The following CYP3A4 variants were observed in gnomAD, a reference collection of about 807,000 sequenced individuals.
CYP3A4 encodes the protein cytochrome P450 3A4.
CYP3A4 carries 41 observed loss-of-function variants against 54.9 expected under a neutral mutation model. The observed-to-expected ratio is 0.75, with a 90% CI of 0.58 to 0.97. The LOEUF is 0.97. Ranked by LOEUF, CYP3A4 falls within the 50% of genes least tolerant of loss-of-function variation. The pLI is 0.00. For missense variants in CYP3A4, 510 were observed against 597.3 expected (o/e 0.85, Z 1.52); for synonymous variants, 179 against 205.2 (o/e 0.87, Z 1.09).
intron 12 of CYP3A4, among the ~76,000 whole-genome samples, chr7:99,758,598 G>A (rs1352828122): frequency 1.3e-5 from 2 of 152,138 alleles, no homozygotes; most frequent in African/African-American, 2.4e-5. Context: ...AAGTAAAATG[G>A]ATGAGTTTTT....
At position 99,784,048 on chromosome 7, in the gene CYP3A4, AG is replaced by A. The variant is rs771463827; in HGVS notation, c.33del (p.Trp12GlyfsTer78). MALIPDLAME[T>X]WLLLAVSLVL... ...ACCAGGCTGACAGCCAGGAGAAGCC[AG>A]GTTTCCATGGCCAAGTCTGGGATGA... On this transcript the variant is annotated frameshift_variant, in exon 1 of 13. Coordinates refer to ENST00000651514, the MANE Select transcript of CYP3A4 (RefSeq NM_017460.6). LOFTEE classifies it high-confidence loss of function. 4.3e-6 allele frequency: 7 copies of A among 1,613,984 alleles called. No homozygotes were observed. The Admixed American group carries it at 1.2e-4, about 27-fold the overall frequency.
rs140422742 is a variant in CYP3A4, at chr7:99,778,046, T to G, written c.200A>C (p.Lys67Thr). 2 of 1,612,832 alleles carry G rather than the reference T, an allele frequency of 1.2e-6. No homozygotes were observed. The highest frequency in any genetic ancestry group is 1.7e-6 in the Non-Finnish European group (2 of 1,179,128). ...FCMFDMECHK[K>T]YGKVWGFYDG... ...TACTCACCCCCACACTTTTCCATAC[T>G]TTTTATGACATTCCATGTCAAACAT... Residue 67 changes from lysine to threonine, a missense_variant, in exon 3 of 13, where the codon AAG (lysine) becomes ACG (threonine). Lys to Thr is a moderately conservative substitution (Grantham distance 78). Coordinates refer to ENST00000651514, the MANE Select transcript of CYP3A4 (RefSeq NM_017460.6).
chr7:99,770,195 A>G lies in CYP3A4; in HGVS notation c.359T>C (p.Ile120Thr), dbSNP rs147752776. ...PVGFMKSAIS[I>T]AEDEEWKRLR... ...TCTCTTCCATTCTTCATCCTCAGCT[A>G]TAGAGATGGCACTTTTCATAAATCC... The change falls in exon 5 of 13, where the codon ATA becomes ACA. Residue 120 changes from isoleucine to threonine, a missense_variant. Ile to Thr is a moderately conservative substitution (Grantham distance 89, BLOSUM62 -1). Coordinates refer to ENST00000651514, the MANE Select transcript of CYP3A4 (RefSeq NM_017460.6). The G allele has an allele frequency of 4.4e-5, 71 of 1,613,642 alleles. No individual in the cohort carries two copies. The highest frequency in any genetic ancestry group is 6.0e-5 in the Non-Finnish European group (71 of 1,179,764).
rs12721619 is a variant in CYP3A4, at chr7:99,777,924, A to T, written c.218+104T>A. On this transcript the variant is annotated intron_variant, in intron 3 of 12. Transcript: ENST00000651514. ...CTCTCTGTTTGTAGTTAGGTTGACA[A>T]GAGCTTCATCCCAAGAGGCTTTGGG... 922 of 872,696 alleles carry T rather than the reference A, an allele frequency of 1.1e-3. 5 individuals are homozygous for T. In the African/African-American group the frequency reaches 0.011, roughly 10 times the overall value. 54.1% of individuals were successfully genotyped at this position (872,696 alleles called of 1,614,324 possible). A position where few individuals can be genotyped will look rare whatever the true frequency, so the allele number is the denominator to read the frequency against.
At chr7:99,765,039 G>T (rs1815439906) in intron 9 of CYP3A4, among the ~76,000 whole-genome samples, 1 of 152,064 alleles carries the variant, frequency 6.6e-6, no homozygotes, top group Non-Finnish European at 1.5e-5. Context: ...GTGTGAGAAA[G>T]GTCGACAGAG....
At chr7:99,772,325 C>T (rs1486408878) in intron 4 of CYP3A4, among the ~76,000 whole-genome samples, 3 of 152,088 alleles carry the variant, frequency 2.0e-5, no homozygotes, top group African/African-American at 7.2e-5. Context: ...TTGCATAGAA[C>T]AGAAATGAGG....
chr7:99,768,902 C>T (rs1489467900), intron 6 of CYP3A4, among the ~76,000 whole-genome samples: 2 of 152,194 alleles, frequency 1.3e-5, no homozygotes, highest in African/African-American at 2.4e-5. Flanking sequence ...TATTGCCTGA[C>T]TGCAGACTCT....
chr7:99,766,473 A>G, intron 8 of CYP3A4, 30 bp from the exon 9 acceptor site: 2 of 1,613,266 alleles, frequency 1.2e-6, no homozygotes, highest in South Asian at 1.1e-5. Flanking sequence ...TTTCACTGAC[A>G]GAAAGTGGCT....
Position 99,765,662 on chromosome 7 carries a change from T to G in CYP3A4, c.865+715A>C, listed in dbSNP as rs147864881. Among the ~76,000 whole-genome samples the G allele has an allele frequency of 5.9e-5, 9 of 152,240 alleles. 1 individual carries two copies. The highest frequency in any genetic ancestry group is 1.0e-4 in the Non-Finnish European group (7 of 68,036). ...GGAATTTTGTGAGATGGTTGCCAAG[T>G]CTTGGTGGCTTGTAATTGACCATGG... is the stretch of plus-strand genomic sequence containing the variant. On this transcript the variant is annotated intron_variant, in intron 9 of 12. Transcript: ENST00000651514.
chr7:99,763,789 G>A, intron 10 of CYP3A4, 66 bp downstream of exon 10: 1 of 1,583,330 alleles, frequency 6.3e-7, no homozygotes, highest in South Asian at 1.1e-5. Context: ...CTCCTGGGAA[G>A]TGGTGAGGAG....
At chr7:99,763,792 G>A (rs914568763) in intron 10 of CYP3A4, 63 bp downstream of exon 10, 11 of 1,593,250 alleles carry the variant, frequency 6.9e-6, no homozygotes, top group Middle Eastern at 3.4e-4. Flanking sequence ...CTGGGAAGTG[G>A]TGAGGAGGCA....
chr7:99,776,936 G>A (rs1815786003), intron 3 of CYP3A4, among the ~76,000 whole-genome samples: 1 of 152,116 alleles, frequency 6.6e-6, no homozygotes, highest in Admixed American at 6.6e-5. Context: ...TCAGCAGGAA[G>A]GTATAGACAA....
chr7:99,779,415 T>C (rs1390962732), intron 2 of CYP3A4, among the ~76,000 whole-genome samples: 26 of 151,866 alleles, frequency 1.7e-4, no homozygotes, highest in Non-Finnish European at 1.5e-5. Context: ...TCATGGGGAG[T>C]AAGAGCTGGG....
intron 12 of CYP3A4, among the ~76,000 whole-genome samples, chr7:99,760,373 ATG>A (rs1407499932): frequency 1.3e-5 from 2 of 152,240 alleles, no homozygotes; most frequent in African/African-American, 2.4e-5. Context: ...CCCAGACATC[ATG>A]AATTTTTAAA....
At chr7:99,769,098 A>G (rs13312028) in intron 6 of CYP3A4, among the ~76,000 whole-genome samples, 2 of 152,076 alleles carry the variant, frequency 1.3e-5, no homozygotes, top group South Asian at 4.1e-4. Flanking sequence ...AATGACCAAT[A>G]ATGTCCTGGT....
intron 3 of CYP3A4, among the ~76,000 whole-genome samples, chr7:99,774,125 C>T (rs1815698706): frequency 6.6e-6 from 1 of 152,160 alleles, no homozygotes; most frequent in Admixed American, 6.5e-5. Context: ...CACATGCCCC[C>T]TCCCAAGACT....
intron 9 of CYP3A4, among the ~76,000 whole-genome samples, chr7:99,764,504 A>T (rs1815427212): frequency 6.6e-6 from 1 of 152,224 alleles, no homozygotes; most frequent in Admixed American, 6.5e-5. Flanking sequence ...TCCCGAAGAT[A>T]TGTTTGAGGG....
chr7:99,781,591 A>G lies in CYP3A4; in HGVS notation c.72-1506T>C, dbSNP rs187066853. The stretch of plus-strand genomic sequence containing the variant: ...TTACTGAGGGTTGGAAGACTGGAGG[A>G]AGAAGAAAAGCTGATGGAAGAGGTC... On this transcript the variant is annotated intron_variant, in intron 1 of 12. Transcript: ENST00000651514. 1.8e-3 allele frequency among the ~76,000 whole-genome samples: 272 copies of G among 152,288 alleles called. 1 individual carries two copies. The highest frequency in any genetic ancestry group is 6.3e-3 in the African/African-American group (261 of 41,560).
chr7:99,772,459 C>T (rs1049169559), intron 4 of CYP3A4, 131 bp downstream of exon 4: 16 of 1,067,146 alleles, frequency 1.5e-5, no homozygotes, highest in African/African-American at 3.2e-5. Flanking sequence ...TGTTACCATT[C>T]GGGGGGGACA....
Sources: gnomAD v4.1 joint callset for allele counts (sites outside exome capture counted in the v4.1 genomes callset) on GRCh38, gnomAD v4.1.1 for gene constraint, MANE v1.5 for transcripts, NCBI Gene and HGNC (gene_info 2026-07-23, HGNC 2026-07-21) for gene names.